ELP3: variants seen among roughly 807,000 people sequenced by gnomAD.
ELP3 encodes the protein elongator acetyltransferase complex subunit 3.
ELP3 carries 56 observed loss-of-function variants against 74.9 expected under a neutral mutation model. The ratio of observed to expected loss-of-function variants is 0.75; its 90% CI spans 0.60 to 0.93. ELP3 has a LOEUF of 0.93. Among genes scored for constraint, ELP3 ranks in the 40% least tolerant of loss-of-function variants. The probability of loss-of-function intolerance (pLI) is 0.00; values close to 1 mark genes in which losing one functional copy is unlikely to be tolerated. For missense variants in ELP3, 573 were observed against 686.5 expected (o/e 0.83, Z 1.85); for synonymous variants, 222 against 239.8 (o/e 0.93, Z 0.68).
rs1439314933 is a variant in ELP3, at chr8:28,147,040, G to A, written c.1101-8902G>A. ...CTTGGCTTAATATTCTGCTGTCACC[G>A]TCTTGAAATTATTAATAATTTTTTT... On this transcript the variant is annotated intron_variant, in intron 10 of 14. Transcript: ENST00000256398. This position sits in a 1 kb window ranked among gnomAD's most constrained non-coding sequence, Gnocchi z 4.5. Among the ~76,000 whole-genome samples the A allele has an allele frequency of 6.6e-6, 1 of 152,082 alleles. No homozygotes were observed. Among genetic ancestry groups the A allele is most frequent in the Non-Finnish European group, 1.5e-5 (1 of 68,026 alleles).
chr8:28,139,489 T>G (rs1813136823), intron 10 of ELP3, among the ~76,000 whole-genome samples: 1 of 150,936 alleles, frequency 6.6e-6, no homozygotes. Flanking sequence ...GATTCTGCAT[T>G]CTACAAATTC....
At position 28,147,704 on chromosome 8, in the gene ELP3, A is replaced by T. The variant is rs766966798; in HGVS notation, c.1101-8238A>T. Among the ~76,000 whole-genome samples the T allele has an allele frequency of 2.6e-5, 4 of 152,152 alleles. No homozygotes were observed. The highest frequency in any genetic ancestry group is 5.9e-5 in the Non-Finnish European group (4 of 68,032). On this transcript the variant is annotated intron_variant, in intron 10 of 14. Transcript: ENST00000256398. This position sits in a 1 kb window ranked among gnomAD's most constrained non-coding sequence, Gnocchi z 4.5. ...TATGTACTGAGAGGTTCTAGAGGCA[A>T]TGACACCCAGCAGTAATAAACACAG...
chr8:28,141,186 A>G (rs1813224090), intron 10 of ELP3, among the ~76,000 whole-genome samples: 1 of 152,194 alleles, frequency 6.6e-6, no homozygotes, highest in Non-Finnish European at 1.5e-5. Flanking sequence ...AATAGTGGGA[A>G]AACCTGGCAG....
chr8:28,131,277 A>G (rs1812777714), intron 8 of ELP3, among the ~76,000 whole-genome samples: 1 of 152,248 alleles, frequency 6.6e-6, no homozygotes, highest in African/African-American at 2.4e-5. Context: ...GAGCAGGGCT[A>G]GGCAATAGAC....
intron 14 of ELP3, among the ~76,000 whole-genome samples, chr8:28,189,387 T>G (rs1452827325): frequency 6.6e-6 from 1 of 152,244 alleles, no homozygotes; most frequent in Non-Finnish European, 1.5e-5. Context: ...CGTTTGCTGT[T>G]GCCTGTGAGT....
Position 28,189,772 on chromosome 8 carries a change from C to A in ELP3, c.*47C>A. 6.4e-7 allele frequency: 1 copy of A among 1,570,392 alleles called. No individual in the cohort carries two copies. The highest frequency in any genetic ancestry group is 8.8e-7 in the Non-Finnish European group (1 of 1,140,700). ...CTGCAGTATCCTCCCTGGCAGAACA[C>A]GGAGAATCAGGATTTCTTAAATACT... On this transcript the variant is annotated 3_prime_UTR_variant, in exon 15 of 15. Coordinates refer to ENST00000256398, the MANE Select transcript of ELP3 (RefSeq NM_018091.6).
chr8:28,166,370 GA>G (rs1814307283), intron 14 of ELP3, among the ~76,000 whole-genome samples: 1 of 152,172 alleles, frequency 6.6e-6, no homozygotes, highest in Non-Finnish European at 1.5e-5. Context: ...TCAGTGTTAT[GA>G]GAACCACCAG....
chr8:28,130,485 A>C (rs1395437110), intron 8 of ELP3, among the ~76,000 whole-genome samples: 1 of 152,216 alleles, frequency 6.6e-6, no homozygotes, highest in African/African-American at 2.4e-5. Context: ...GCCGAGGAGG[A>C]TGGAATTTTC....
chr8:28,136,298 T>G (rs1321052164), intron 9 of ELP3, among the ~76,000 whole-genome samples: 1 of 152,100 alleles, frequency 6.6e-6, no homozygotes, highest in Non-Finnish European at 1.5e-5. Context: ...GGAAAGAAAA[T>G]AAACACTTTT....
intron 7 of ELP3, among the ~76,000 whole-genome samples, chr8:28,116,564 ACTT>A (rs1812145643): frequency 6.6e-6 from 1 of 152,124 alleles, no homozygotes; most frequent in East Asian, 1.9e-4. Context: ...ACATGGTGAA[ACTT>A]CTTCTCTACT....
At chr8:28,145,207 T>C (rs965623415) in intron 10 of ELP3, among the ~76,000 whole-genome samples, 1 of 152,214 alleles carries the variant, frequency 6.6e-6, no homozygotes, top group Non-Finnish European at 1.5e-5. Flanking sequence ...CTTTCTGATT[T>C]GGGAAGAGAG....
At chr8:28,152,746 C>T (rs1813690502) in intron 10 of ELP3, among the ~76,000 whole-genome samples, 1 of 152,176 alleles carries the variant, frequency 6.6e-6, no homozygotes, top group Non-Finnish European at 1.5e-5. Flanking sequence ...GCGAAGGTTG[C>T]AGTGAGCTGA....
chr8:28,090,478 GGTGGGTGTGT>G (rs143318694), upstream of ELP3: 23,659 of 226,954 alleles, frequency 0.1, 1,668 homozygotes, highest in Non-Finnish European at 0.13. Flanking sequence ...TAGTCTGATG[GGTGGGTGTGT>G]GTGTGTGTGT....
intron 12 of ELP3, 33 bp from the exon 13 acceptor site, chr8:28,160,196 G>T: frequency 6.3e-7 from 1 of 1,581,654 alleles, no homozygotes; most frequent in Middle Eastern, 1.7e-4. Context: ...CTTTAATTTT[G>T]AATAATATTT....
chr8:28,128,760 A>G (rs912892593), intron 7 of ELP3, among the ~76,000 whole-genome samples: 4 of 152,186 alleles, frequency 2.6e-5, no homozygotes, highest in African/African-American at 7.2e-5. Context: ...CTTGGCCCAC[A>G]ACAGCCTCTG....
At chr8:28,129,720 T>G in intron 8 of ELP3, 57 bp downstream of exon 8, 42 of 1,593,032 alleles carry the variant, frequency 2.6e-5, no homozygotes, top group Non-Finnish European at 3.5e-5. Flanking sequence ...CCATTTTCTC[T>G]ACATTCATAC....
At chr8:28,144,669 T>C (rs1012762737) in intron 10 of ELP3, among the ~76,000 whole-genome samples, 1 of 152,202 alleles carries the variant, frequency 6.6e-6, no homozygotes, top group Non-Finnish European at 1.5e-5. Flanking sequence ...AAAATTTATA[T>C]TCAGATAGAA....
intron 10 of ELP3, among the ~76,000 whole-genome samples, chr8:28,144,764 C>T (rs12542344): frequency 0.19 from 28,783 of 152,188 alleles, 2,850 homozygotes; most frequent in East Asian, 0.29. Flanking sequence ...TCAGGCTGGG[C>T]GTGGTGGCTC....
intron 8 of ELP3, among the ~76,000 whole-genome samples, chr8:28,130,906 A>C (rs1036055286): frequency 2.0e-5 from 3 of 152,192 alleles, no homozygotes; most frequent in Non-Finnish European, 2.9e-5. Context: ...AGAGGGGCTG[A>C]TTATTAGGGG....
Sources: gnomAD v4.1 joint callset for allele counts (sites outside exome capture counted in the v4.1 genomes callset) on GRCh38, gnomAD v4.1.1 for gene constraint, Gnocchi (gnomAD v3.1) non-coding constraint, MANE v1.5 for transcripts, NCBI Gene and HGNC (gene_info 2026-07-23, HGNC 2026-07-21) for gene names.